TRIM5: variants seen among roughly 807,000 people sequenced by gnomAD.
TRIM5 encodes the protein tripartite motif containing 5.
In TRIM5, 31 loss-of-function variants were observed where a neutral mutation model predicts 35.6. The ratio of observed to expected loss-of-function variants is 0.87; its 90% CI spans 0.65 to 1.18. TRIM5 has a LOEUF of 1.18. TRIM5 is among the 50% of genes most tolerant of loss of function. The pLI is 0.00. For missense variants in TRIM5, 609 were observed against 591.6 expected, an observed-to-expected ratio of 1.03 and a Z score of -0.31; for synonymous variants, 243 against 215.6, an observed-to-expected ratio of 1.13 and a Z score of -1.11.
the TRIM5 span, among the ~76,000 whole-genome samples, chr11:5,596,363 G>A: frequency 1.3e-5 from 2 of 152,068 alleles, no homozygotes; most frequent in Non-Finnish European, 1.5e-5. Context: ...CTTTGCAGCT[G>A]GGAATAGGCC....
At chr11:5,658,801 A>G (rs530447289), downstream of TRIM5, among the ~76,000 whole-genome samples, 1 of 152,224 alleles carries the variant, frequency 6.6e-6, no homozygotes, top group South Asian at 2.1e-4. Flanking sequence ...GGCACTATAC[A>G]CCATGGAATA....
At chr11:5,660,535 G>A (rs780208333), downstream of TRIM5, among the ~76,000 whole-genome samples, 2 of 152,090 alleles carry the variant, frequency 1.3e-5, no homozygotes, top group Non-Finnish European at 2.9e-5. Flanking sequence ...AGTTTTATTA[G>A]AATATATACC....
At chr11:5,593,670 G>A in the TRIM5 span, among the ~76,000 whole-genome samples, 524 of 152,208 alleles carry the variant, frequency 3.4e-3, 3 homozygotes, top group Non-Finnish European at 6.1e-3. Flanking sequence ...CTCAACCTGT[G>A]CACTAAACAA....
At chr11:5,663,086 T>C (rs913569807), downstream of TRIM5, 8 of 341,428 alleles carry the variant, frequency 2.3e-5, no homozygotes, top group Admixed American at 6.5e-5. Context: ...GATCGTGCCA[T>C]TGCACTCCAG....
At chr11:5,662,478 A>G (rs1850863704), downstream of TRIM5, among the ~76,000 whole-genome samples, 1 of 152,218 alleles carries the variant, frequency 6.6e-6, no homozygotes, top group African/African-American at 2.4e-5. Context: ...CTGGGCTCAC[A>G]ATTCACTTAT....
chr11:5,613,223 T>TAGA, the TRIM5 span, among the ~76,000 whole-genome samples: 3 of 152,212 alleles, frequency 2.0e-5, no homozygotes, highest in African/African-American at 7.2e-5. Flanking sequence ...TCAACATATC[T>TAGA]AGAAGTGTAG....
At chr11:5,592,939 A>T in the TRIM5 span, among the ~76,000 whole-genome samples, 1 of 88,750 alleles carries the variant, frequency 1.1e-5, no homozygotes, top group Non-Finnish European at 2.8e-5. Flanking sequence ...AAGAAAAAAG[A>T]AAAAGAAAAA....
the TRIM5 span, chr11:5,641,440 G>A: frequency 1.4e-5 from 13 of 931,348 alleles, no homozygotes; most frequent in South Asian, 3.7e-4. Context: ...AAGGATGAGA[G>A]CTTTTACTGT....
chr11:5,626,267 A>G, the TRIM5 span, among the ~76,000 whole-genome samples: 1 of 152,194 alleles, frequency 6.6e-6, no homozygotes, highest in Non-Finnish European at 1.5e-5. Context: ...AATATGAAAT[A>G]TACGTGGAAG....
chr11:5,607,755 G>A, the TRIM5 span, among the ~76,000 whole-genome samples: 3 of 152,154 alleles, frequency 2.0e-5, no homozygotes, highest in Admixed American at 6.5e-5. Context: ...TAGGATGGAA[G>A]GGAGACAAGA....
chr11:5,610,160 C>T, the TRIM5 span: 4 of 1,613,976 alleles, frequency 2.5e-6, no homozygotes, highest in South Asian at 3.3e-5. Flanking sequence ...AGTTCTGGAC[C>T]CTGAGGAAGC....
chr11:5,599,432 C>T, the TRIM5 span, among the ~76,000 whole-genome samples: 3 of 129,564 alleles, frequency 2.3e-5, no homozygotes, highest in Non-Finnish European at 5.1e-5. Context: ...GAGACGGAGT[C>T]TCGCTCTGTC....
the TRIM5 span, among the ~76,000 whole-genome samples, chr11:5,592,925 AAAAAAGAAAAAAGAAAAAG>A: frequency 7.1e-6 from 1 of 141,138 alleles, no homozygotes; most frequent in Non-Finnish European, 1.5e-5. Context: ...AAAAAAAAAA[AAAAAAGAAAAAAGAAAAAG>A]AAAAAAGAAG....
chr11:5,638,907 A>C, the TRIM5 span, among the ~76,000 whole-genome samples: 644 of 152,184 alleles, frequency 4.2e-3, 5 homozygotes, highest in African/African-American at 0.014. Flanking sequence ...AGAGTTACAA[A>C]GTTTTTTTTT....
At chr11:5,602,181 C>T in the TRIM5 span, among the ~76,000 whole-genome samples, 3 of 152,190 alleles carry the variant, frequency 2.0e-5, no homozygotes, top group Non-Finnish European at 2.9e-5. Context: ...TGGCTCATGC[C>T]TGTAGTCCCA....
chr11:5,643,385 T>G, the TRIM5 span: 12 of 1,614,052 alleles, frequency 7.4e-6, no homozygotes, highest in East Asian at 2.7e-4. Flanking sequence ...TTAGAAGATG[T>G]GCAAATCGTC....
intron 4 of TRIM5, among the ~76,000 whole-genome samples, chr11:5,672,664 T>TC (rs1190878690): frequency 2.0e-5 from 3 of 152,174 alleles, no homozygotes; most frequent in Non-Finnish European, 4.4e-5. Flanking sequence ...ATAGTTTATT[T>TC]CCCAAAGTAT....
intron 4 of TRIM5, 81 bp from the exon 5 acceptor site, chr11:5,667,792 T>TCCTAATGTG (rs1267019169): frequency 2.0e-6 from 3 of 1,496,736 alleles, no homozygotes; most frequent in East Asian, 2.3e-5. Flanking sequence ...TTCCCCCGGT[T>TCCTAATGTG]CCTAATGTGC....
At chr11:5,632,721 A>G in the TRIM5 span, 2 of 1,610,786 alleles carry the variant, frequency 1.2e-6, no homozygotes, top group African/African-American at 1.3e-5. Context: ...GTCACCACAC[A>G]GTCCTCACGG....
Sources: gnomAD v4.1 joint callset for allele counts (sites outside exome capture counted in the v4.1 genomes callset) on GRCh38, gnomAD v4.1.1 for gene constraint, MANE v1.5 for transcripts, NCBI Gene and HGNC (gene_info 2026-07-23, HGNC 2026-07-21) for gene names.